MEF2B: variants seen among roughly 807,000 people sequenced by gnomAD.
MEF2B encodes the protein myocyte enhancer factor 2B.
In MEF2B, 15 loss-of-function variants were observed where a neutral mutation model predicts 32.2. That is an observed-to-expected ratio of 0.47 (90% CI 0.31 to 0.72). The LOEUF (loss-of-function observed/expected upper bound fraction) is 0.72, where lower values mean the gene tolerates loss of function less well. Among genes scored for constraint, MEF2B ranks in the 30% least tolerant of loss-of-function variants. MEF2B has a pLI of 0.05. For missense variants in MEF2B, 441 were observed against 511.5 expected (o/e 0.86, Z 1.33); for synonymous variants, 205 against 225.6 (o/e 0.91, Z 0.82).
chr19:19,164,274 C>G (rs2060189603), intron 1 of MEF2B, among the ~76,000 whole-genome samples: 1 of 152,182 alleles, frequency 6.6e-6, no homozygotes, highest in African/African-American at 2.4e-5. Context: ...TTGTTCACTT[C>G]TCACTGAAAC....
chr19:19,168,598 T>A (rs1568557030), intron 1 of MEF2B, among the ~76,000 whole-genome samples: 1 of 150,776 alleles, frequency 6.6e-6, no homozygotes, highest in African/African-American at 2.4e-5. Flanking sequence ...TTCTTTCTTT[T>A]TGTTTTTCTT....
chr19:19,164,689 C>G (rs2060193152), intron 1 of MEF2B, among the ~76,000 whole-genome samples: 1 of 152,238 alleles, frequency 6.6e-6, no homozygotes, highest in African/African-American at 2.4e-5. Context: ...TGGCGGGCGC[C>G]TGTAATCCCA....
intron 1 of MEF2B, among the ~76,000 whole-genome samples, chr19:19,167,531 G>C (rs11085255): frequency 6.6e-6 from 1 of 151,456 alleles, no homozygotes; most frequent in Non-Finnish European, 1.5e-5. Flanking sequence ...CAAAAACAAA[G>C]AAAGAAAGAA....
chr19:19,161,274 G>A (rs969438858), intron 1 of MEF2B, among the ~76,000 whole-genome samples: 1 of 152,024 alleles, frequency 6.6e-6, no homozygotes, highest in Non-Finnish European at 1.5e-5. Flanking sequence ...AGTGCTGAGG[G>A]ACAGGGGCGG....
intron 1 of MEF2B, among the ~76,000 whole-genome samples, chr19:19,161,606 A>C (rs547387953): frequency 1.3e-5 from 2 of 151,938 alleles, no homozygotes; most frequent in Non-Finnish European, 2.9e-5. Flanking sequence ...GCACAGACAC[A>C]TACAGATCTC....
At chr19:19,159,111 C>T (rs1483056881) in intron 1 of MEF2B, among the ~76,000 whole-genome samples, 1 of 151,286 alleles carries the variant, frequency 6.6e-6, no homozygotes, top group Non-Finnish European at 1.5e-5. Flanking sequence ...CAGCTAATTT[C>T]TGTATTTTCA....
Position 19,145,980 on chromosome 19 carries a change from G to C in MEF2B, c.924C>G (p.Gly308=). 7.0e-7 allele frequency: 1 copy of C among 1,436,244 alleles called. No individual in the cohort carries two copies. Among genetic ancestry groups the C allele is most frequent in the Non-Finnish European group, 9.1e-7 (1 of 1,097,368 alleles). The allele number at this position is 1,436,244 out of a possible 1,614,324, so 89.0% of individuals were successfully genotyped here. A position where few individuals can be genotyped will look rare whatever the true frequency, so the allele number is the denominator to read the frequency against. Residue 308 remains glycine (G), a synonymous_variant, in exon 9 of 9, where the codon GGC becomes GGG. Coordinates refer to ENST00000424583, the MANE Select transcript of MEF2B (RefSeq NM_001145785.2). This position sits in a 1 kb window ranked among gnomAD's most constrained non-coding sequence, Gnocchi z 4.6. The part of the protein sequence containing the change: ...SLGEEGPPTR[G]ASPPTPPVSI... ...TGACTGGGGGGGTCGGCGGGGAGGC[G>C]CCGCGGGTTGGGGGACCCTCCTCGC...
intron 1 of MEF2B, among the ~76,000 whole-genome samples, chr19:19,154,387 C>T (rs1050914213): frequency 1.1e-4 from 16 of 152,264 alleles, no homozygotes; most frequent in African/African-American, 3.6e-4. Flanking sequence ...TGGTCTCAAA[C>T]TCCTGACCTC....
intron 1 of MEF2B, among the ~76,000 whole-genome samples, chr19:19,151,085 T>A (rs1041749030): frequency 6.6e-6 from 1 of 152,064 alleles, no homozygotes; most frequent in Admixed American, 6.6e-5. Context: ...AAACCCCGGC[T>A]CTACAAAAAA....
At chr19:19,156,394 TA>T (rs199794272) in intron 1 of MEF2B, among the ~76,000 whole-genome samples, 44 of 148,282 alleles carry the variant, frequency 3.0e-4, no homozygotes, top group Non-Finnish European at 5.8e-4. Context: ...CCCCTATCTC[TA>T]AAAAAAAAAA....
chr19:19,149,545 G>C (rs978416655), intron 2 of MEF2B, 116 bp from the exon 3 acceptor site: 3 of 1,371,930 alleles, frequency 2.2e-6, no homozygotes, highest in Non-Finnish European at 3.0e-6. Context: ...ATTCTTTCTG[G>C]CTGAGCTGGT....
intron 1 of MEF2B, among the ~76,000 whole-genome samples, chr19:19,169,526 T>C (rs182228709): frequency 6.6e-6 from 1 of 152,210 alleles, no homozygotes; most frequent in Admixed American, 6.5e-5. Context: ...TAATTGGGTC[T>C]GCAACTAGGG....
At chr19:19,160,013 G>A (rs989035752) in intron 1 of MEF2B, among the ~76,000 whole-genome samples, 2 of 149,866 alleles carry the variant, frequency 1.3e-5, no homozygotes, top group Admixed American at 6.7e-5. Flanking sequence ...CTGTTGCCCA[G>A]GCTGGAGTGC....
At chr19:19,147,614 G>A (rs532940380) in intron 4 of MEF2B, 84 bp downstream of exon 4, 983 of 1,560,802 alleles carry the variant, frequency 6.3e-4, no homozygotes, top group Non-Finnish European at 7.9e-4. Flanking sequence ...CTGGCTCTAA[G>A]CCCCTCTCTC....
At chr19:19,159,241 T>TAAAAAAA (rs35056015) in intron 1 of MEF2B, among the ~76,000 whole-genome samples, 1 of 88,006 alleles carries the variant, frequency 1.1e-5, no homozygotes, top group African/African-American at 4.6e-5. Context: ...GTGCGTGGCC[T>TAAAAAAA]AAAAAAAAAA....
rs762715467 is a variant in MEF2B at position 19,147,134 on chromosome 19, G to A, written c.443C>T (p.Pro148Leu). Residue 148 changes from proline (P) to leucine (L), a missense_variant, in exon 5 of 9, where the codon CCG becomes CTG. By Grantham distance (98) the Pro-to-Leu change is moderately conservative. Transcript: ENST00000424583. ...PSPDVVYGALPPPGCDPSGLG... is the reference protein window; with the variant it reads ...PSPDVVYGALLPPGCDPSGLG... ...CCCACTGGGGTCACAGCCTGGTGGC[G>A]GTAAGGCCCCGTATACCACATCTGG... The A allele has an allele frequency of 4.2e-5, 67 of 1,599,690 alleles. No individual in the cohort carries two copies. Among genetic ancestry groups the A allele is most frequent in the East Asian group, 2.0e-4 (9 of 44,448 alleles).
At chr19:19,150,828 T>C (rs576431291) in intron 1 of MEF2B, 64 bp from the exon 2 acceptor site, 247 of 1,574,606 alleles carry the variant, frequency 1.6e-4, no homozygotes, top group Admixed American at 3.6e-4. Flanking sequence ...TACCCCAGCC[T>C]CACACCTCTC....
At chr19:19,157,162 G>T in intron 1 of MEF2B, 1 of 195,480 alleles carries the variant, frequency 5.1e-6, no homozygotes, top group Non-Finnish European at 1.2e-5. Flanking sequence ...GAGGAAAAAG[G>T]GACAAGCACT....
At chr19:19,151,126 G>GT (rs2060077011) in intron 1 of MEF2B, among the ~76,000 whole-genome samples, 1 of 152,140 alleles carries the variant, frequency 6.6e-6, no homozygotes, top group Admixed American at 6.6e-5. Context: ...GGTGGCACAC[G>GT]TCTATAGTCC....
Sources: gnomAD v4.1 joint callset for allele counts (sites outside exome capture counted in the v4.1 genomes callset) on GRCh38, gnomAD v4.1.1 for gene constraint, Gnocchi (gnomAD v3.1) non-coding constraint, MANE v1.5 for transcripts, NCBI Gene and HGNC (gene_info 2026-07-23, HGNC 2026-07-21) for gene names.